The following TRIM54 variants were observed in gnomAD, a reference collection of about 807,000 sequenced individuals.
TRIM54 encodes tripartite motif containing 54.
A neutral mutation model predicts 42.0 loss-of-function variants in TRIM54; 40 were observed. That is an observed-to-expected ratio of 0.95 (90% CI 0.74 to 1.24). TRIM54 has a LOEUF of 1.24. TRIM54 is among the 50% of genes most tolerant of loss of function. TRIM54 has a pLI of 0.00. For synonymous variants in TRIM54, 199 were observed against 194.9 expected (o/e 1.02, Z -0.17); for missense variants, 485 against 480.3 (o/e 1.01, Z -0.09).
chr2:27,306,104 T>C lies in TRIM54; in HGVS notation c.866+2T>C, dbSNP rs1291358068. ...GCAGGCCAAGGAGCTGATCAATAAGTGAGTAGGCATAGCGGGAAGGGAAAG... is the reference window on the plus strand; with the variant it reads ...GCAGGCCAAGGAGCTGATCAATAAGCGAGTAGGCATAGCGGGAAGGGAAAG... On this transcript the variant is annotated splice_donor_variant, in intron 6 of 8. Coordinates refer to ENST00000380075, the MANE Select transcript of TRIM54 (RefSeq NM_187841.3). LOFTEE classifies it high-confidence loss of function. This position sits in a 1 kb window ranked among gnomAD's most constrained non-coding sequence, Gnocchi z 6.1. The C allele has an allele frequency of 6.2e-7, 1 of 1,613,862 alleles. No homozygotes were observed. The highest frequency in any genetic ancestry group is 1.7e-5 in the Admixed American group (1 of 60,002).
chr2:27,301,573 A>T (rs1210067836), intron 3 of TRIM54, among the ~76,000 whole-genome samples: 1 of 152,156 alleles, frequency 6.6e-6, no homozygotes, highest in African/African-American at 2.4e-5. Flanking sequence ...CATGGAGCTA[A>T]TGGGAGTGTA....
intron 3 of TRIM54, 100 bp downstream of exon 3, chr2:27,299,516 C>A (rs568360479): frequency 1.2e-5 from 19 of 1,540,176 alleles, no homozygotes; most frequent in African/African-American, 9.6e-5. Context: ...TTACTTATTT[C>A]TTTATTTATT....
intron 1 of TRIM54, among the ~76,000 whole-genome samples, chr2:27,284,697 A>G (rs1328545181): frequency 6.6e-6 from 1 of 152,152 alleles, no homozygotes; most frequent in Non-Finnish European, 1.5e-5. Flanking sequence ...AATGGCAGAA[A>G]GATTTTGCCA....
chr2:27,306,159 G>A lies in TRIM54; in HGVS notation c.867-54G>A. 2 of 1,614,010 alleles carry A rather than the reference G, an allele frequency of 1.2e-6. No homozygotes were observed. The highest frequency in any genetic ancestry group is 1.7e-6 in the Non-Finnish European group (2 of 1,179,990). On this transcript the variant is annotated intron_variant, in intron 6 of 8. Transcript: ENST00000380075. This position sits in a 1 kb window ranked among gnomAD's most constrained non-coding sequence, Gnocchi z 6.1. ...GGGCTGCACTGCTCCACTGGCTGGG[G>A]TGGGGCTTGAGAGTGCTGGGGCATT...
At chr2:27,293,563 A>G (rs1037401831) in intron 1 of TRIM54, among the ~76,000 whole-genome samples, 2 of 152,194 alleles carry the variant, frequency 1.3e-5, no homozygotes, top group African/African-American at 4.8e-5. Context: ...ATAGAGCTCC[A>G]TGGCACACAG....
At chr2:27,304,894 C>G in intron 3 of TRIM54, 65 bp from the exon 4 acceptor site, 4 of 1,480,052 alleles carry the variant, frequency 2.7e-6, no homozygotes, top group Non-Finnish European at 3.7e-6. Context: ...GCAACCCTGG[C>G]TGGGGTGAGG....
intron 1 of TRIM54, among the ~76,000 whole-genome samples, chr2:27,289,889 T>TG (rs1678673059): frequency 7.0e-6 from 1 of 143,508 alleles, no homozygotes; most frequent in Non-Finnish European, 1.5e-5. Flanking sequence ...TTTTTTTTTT[T>TG]GAGACAGAGT....
At chr2:27,282,929 T>G (rs763418546) in intron 1 of TRIM54, 30 bp downstream of exon 1, 1 of 1,591,350 alleles carries the variant, frequency 6.3e-7, no homozygotes, top group Non-Finnish European at 8.6e-7. Flanking sequence ...CAGGGCCAGG[T>G]AAAGCAATGC....
chr2:27,306,764 G>T lies in TRIM54; in HGVS notation c.*2-123G>T. 1 of 597,258 alleles carries T rather than the reference G, an allele frequency of 1.7e-6. No individual in the cohort carries two copies. Among genetic ancestry groups the T allele is most frequent in the East Asian group, 2.9e-5 (1 of 35,028 alleles). The allele number at this position is 597,258 out of a possible 1,614,324, so 37.0% of individuals were successfully genotyped here. On this transcript the variant is annotated intron_variant, in intron 8 of 8. Transcript: ENST00000380075. This position sits in a 1 kb window ranked among gnomAD's most constrained non-coding sequence, Gnocchi z 6.1. ...ACCCGCTGTTCCTCTGGGGTGCTGGGAGGGCAGGCAAGGCAGGCTGAGTAG... is the reference window on the plus strand; with the variant it reads ...ACCCGCTGTTCCTCTGGGGTGCTGGTAGGGCAGGCAAGGCAGGCTGAGTAG...
chr2:27,283,913 T>A (rs1678482143), intron 1 of TRIM54, among the ~76,000 whole-genome samples: 1 of 151,870 alleles, frequency 6.6e-6, no homozygotes, highest in Non-Finnish European at 1.5e-5. Context: ...GGCCAGCAGA[T>A]CACGAGGTCA....
intron 1 of TRIM54, among the ~76,000 whole-genome samples, chr2:27,297,166 A>G (rs1014001947): frequency 6.6e-6 from 1 of 152,190 alleles, no homozygotes; most frequent in East Asian, 1.9e-4. Flanking sequence ...TCATCTCTGC[A>G]TCTCCCCACA....
intron 3 of TRIM54, among the ~76,000 whole-genome samples, chr2:27,303,482 G>A (rs1679096533): frequency 6.6e-6 from 1 of 151,914 alleles, no homozygotes. Context: ...CCCAGGAGGC[G>A]GAGGTTGCAG....
chr2:27,287,506 C>A (rs1281947651), intron 1 of TRIM54, among the ~76,000 whole-genome samples: 2 of 151,070 alleles, frequency 1.3e-5, no homozygotes, highest in South Asian at 2.1e-4. Context: ...TGTTCCTGAC[C>A]GAAAAGGGTG....
intron 3 of TRIM54, among the ~76,000 whole-genome samples, chr2:27,300,311 A>T (rs1678994811): frequency 6.6e-6 from 1 of 152,010 alleles, no homozygotes; most frequent in African/African-American, 2.4e-5. Flanking sequence ...AGCTGGGATT[A>T]TAGGCGCCTA....
At chr2:27,298,774 A>T (rs1422640607) in intron 2 of TRIM54, 35 bp downstream of exon 2, 2 of 1,606,104 alleles carry the variant, frequency 1.2e-6, no homozygotes, top group African/African-American at 2.7e-5. Flanking sequence ...CTCTCATGAC[A>T]GGGCTTGGGA....
At chr2:27,296,885 A>G (rs1678881921) in intron 1 of TRIM54, among the ~76,000 whole-genome samples, 2 of 152,040 alleles carry the variant, frequency 1.3e-5, no homozygotes, top group African/African-American at 2.4e-5. Context: ...CAGCCTCCCA[A>G]GTGGCTGGGA....
intron 1 of TRIM54, among the ~76,000 whole-genome samples, chr2:27,296,889 G>A (rs940158991): frequency 4.6e-5 from 7 of 152,066 alleles, no homozygotes; most frequent in Non-Finnish European, 5.9e-5. Flanking sequence ...CTCCCAAGTG[G>A]CTGGGACTAC....
intron 1 of TRIM54, among the ~76,000 whole-genome samples, chr2:27,283,784 G>GCGCACACACACACACA (rs367621533): frequency 4.5e-5 from 6 of 132,196 alleles, no homozygotes; most frequent in East Asian, 2.2e-4. Context: ...ACACACGCGC[G>GCGCACACACACACACA]CACACACACA....
chr2:27,293,356 G>A (rs573162512), intron 1 of TRIM54, among the ~76,000 whole-genome samples: 2 of 152,292 alleles, frequency 1.3e-5, no homozygotes, highest in Admixed American at 6.5e-5. Flanking sequence ...GAATAGAGGG[G>A]TATGACCTGA....
Sources: allele counts gnomAD v4.1 joint callset (sites outside exome capture counted in the v4.1 genomes callset), GRCh38; gene constraint gnomAD v4.1.1; non-coding constraint Gnocchi (gnomAD v3.1); transcripts MANE v1.5; gene names NCBI Gene and HGNC (gene_info 2026-07-23, HGNC 2026-07-21).